The following SCFD2 variants were observed in gnomAD, a reference collection of about 807,000 sequenced individuals.
The protein encoded by SCFD2 is sec1 family domain containing 2, also known as sec1 family domain-containing protein 2.
Under a neutral mutation model 58.9 loss-of-function variants are expected in SCFD2, and 54 were observed. The ratio of observed to expected loss-of-function variants is 0.92; its 90% CI spans 0.74 to 1.15. The LOEUF is 1.15. Ranked by LOEUF, SCFD2 falls within the 50% of genes most tolerant of loss-of-function variation. The probability of loss-of-function intolerance (pLI) is 0.00; values close to 1 mark genes in which losing one functional copy is unlikely to be tolerated. For synonymous variants in SCFD2, 321 were observed against 335.9 expected (o/e 0.96, Z 0.49); for missense variants, 805 against 836.6 (o/e 0.96, Z 0.47).
intron 5 of SCFD2, among the ~76,000 whole-genome samples, chr4:53,134,445 T>C (rs1268804729): frequency 6.6e-6 from 1 of 151,980 alleles, no homozygotes; most frequent in African/African-American, 2.4e-5. Flanking sequence ...AACAAGGTAA[T>C]GAACAGGTGA....
intron 3 of SCFD2, among the ~76,000 whole-genome samples, chr4:53,276,891 G>A (rs2149072188): frequency 6.6e-6 from 1 of 152,168 alleles, no homozygotes; most frequent in Middle Eastern, 3.4e-3. Context: ...ATCTCATTGT[G>A]GTTTAAAATT....
At chr4:53,246,049 C>A (rs929766013) in intron 4 of SCFD2, among the ~76,000 whole-genome samples, 1 of 152,062 alleles carries the variant, frequency 6.6e-6, no homozygotes, top group African/African-American at 2.4e-5. Flanking sequence ...TATACACCAA[C>A]AATAGCCAAG....
intron 8 of SCFD2, among the ~76,000 whole-genome samples, chr4:52,885,100 T>C (rs1371243087): frequency 6.6e-6 from 1 of 152,160 alleles, no homozygotes; most frequent in Non-Finnish European, 1.5e-5. Flanking sequence ...TTTTCTTGTT[T>C]AGGGGATGGG....
At chr4:52,876,147 A>G (rs1370617521) in intron 8 of SCFD2, among the ~76,000 whole-genome samples, 2 of 2,928 alleles carry the variant, frequency 6.8e-4, no homozygotes, top group Non-Finnish European at 1.1e-3. Context: ...CTGACTGGCC[A>G]GATGCCTCCA....
chr4:53,334,825 A>G (rs1438446670), intron 2 of SCFD2, among the ~76,000 whole-genome samples: 1 of 152,238 alleles, frequency 6.6e-6, no homozygotes, highest in Non-Finnish European at 1.5e-5. Flanking sequence ...CATAATCTCA[A>G]AATGCCTTCT....
chr4:53,010,775 C>G (rs1463488624), intron 5 of SCFD2, among the ~76,000 whole-genome samples: 1 of 152,112 alleles, frequency 6.6e-6, no homozygotes, highest in Non-Finnish European at 1.5e-5. Context: ...ATTTTGGGGC[C>G]GGGCTGGGGG....
At chr4:53,243,409 C>G (rs1259287148) in intron 4 of SCFD2, among the ~76,000 whole-genome samples, 1 of 152,064 alleles carries the variant, frequency 6.6e-6, no homozygotes, top group African/African-American at 2.4e-5. Flanking sequence ...AAATAAGACC[C>G]TTTTCAGACA....
At chr4:52,953,557 T>C (rs2109532973) in intron 5 of SCFD2, among the ~76,000 whole-genome samples, 1 of 152,324 alleles carries the variant, frequency 6.6e-6, no homozygotes, top group African/African-American at 2.4e-5. Context: ...AGTCAAAGCA[T>C]TTCTTTAGCA....
At chr4:52,949,804 A>G (rs1720540758) in intron 5 of SCFD2, 1 of 152,242 alleles carries the variant, frequency 6.6e-6, no homozygotes, top group East Asian at 1.9e-4. Context: ...GGGCTTAAGT[A>G]AGCCAGGCCT....
intron 4 of SCFD2, among the ~76,000 whole-genome samples, chr4:53,212,339 C>A (rs758532353): frequency 2.4e-4 from 37 of 151,992 alleles, no homozygotes; most frequent in Admixed American, 7.9e-4. Context: ...GTGTAACTCT[C>A]AGAGCACCCA....
chr4:53,212,968 T>C (rs1327932813), intron 4 of SCFD2, among the ~76,000 whole-genome samples: 2 of 151,836 alleles, frequency 1.3e-5, no homozygotes, highest in Non-Finnish European at 2.9e-5. Context: ...GGTAGACAGG[T>C]GGCCAAGGAA....
intron 5 of SCFD2, among the ~76,000 whole-genome samples, chr4:53,090,517 G>A (rs746010355): frequency 7.9e-5 from 12 of 152,122 alleles, no homozygotes; most frequent in Non-Finnish European, 1.8e-4. Context: ...TGAAGAGAGA[G>A]TACAAGAAAG....
At chr4:53,055,331 G>A (rs1723305224) in intron 5 of SCFD2, among the ~76,000 whole-genome samples, 1 of 152,096 alleles carries the variant, frequency 6.6e-6, no homozygotes, top group East Asian at 1.9e-4. Flanking sequence ...ACTCTCCAAA[G>A]AGCACCTTGG....
chr4:52,983,973 C>G (rs1002085065), intron 5 of SCFD2, among the ~76,000 whole-genome samples: 5 of 152,168 alleles, frequency 3.3e-5, no homozygotes, highest in Non-Finnish European at 5.9e-5. Context: ...GAAGAGAAAG[C>G]CTCACCCCAA....
At chr4:53,209,107 T>A (rs1033917867) in intron 4 of SCFD2, among the ~76,000 whole-genome samples, 1 of 152,128 alleles carries the variant, frequency 6.6e-6, no homozygotes, top group Non-Finnish European at 1.5e-5. Context: ...CAAACTGAAA[T>A]GAGTTGGTCA....
At chr4:53,184,865 T>C (rs1727694249) in intron 4 of SCFD2, among the ~76,000 whole-genome samples, 2 of 152,150 alleles carry the variant, frequency 1.3e-5, no homozygotes, top group South Asian at 2.1e-4. Flanking sequence ...AAACAATCTT[T>C]CTACCAGCTA....
intron 3 of SCFD2, among the ~76,000 whole-genome samples, chr4:53,294,172 C>T (rs912793826): frequency 6.6e-6 from 1 of 152,124 alleles, no homozygotes; most frequent in African/African-American, 2.4e-5. Context: ...AACGGGATTG[C>T]TGGGTCAAAT....
chr4:52,951,847 A>C (rs1424113237), intron 5 of SCFD2, among the ~76,000 whole-genome samples: 1 of 152,216 alleles, frequency 6.6e-6, no homozygotes, highest in Admixed American at 6.5e-5. Flanking sequence ...ATCAGCAAGA[A>C]ATAAGGTCTT....
rs529642513 is a variant in SCFD2, at chr4:53,329,358, G to A, written c.1008-15595C>T. On this transcript the variant is annotated intron_variant, in intron 2 of 8. Transcript: ENST00000401642. Reference sequence around the variant, plus strand: ...TTAAATGTCCCTGTCTGACAGCTTTGAAGAGAGCAGTGGTTCTCCCAGCAC... The same window carrying A: ...TTAAATGTCCCTGTCTGACAGCTTTAAAGAGAGCAGTGGTTCTCCCAGCAC... Among the ~76,000 whole-genome samples, 1,391 of 151,876 alleles carry A rather than the reference G, an allele frequency of 9.2e-3. 20 individuals carry two copies. The highest frequency in any genetic ancestry group is 0.032 in the African/African-American group (1,312 of 41,224).
Sources: allele counts gnomAD v4.1 joint callset (sites outside exome capture counted in the v4.1 genomes callset), GRCh38; gene constraint gnomAD v4.1.1; transcripts MANE v1.5; gene names NCBI Gene and HGNC (gene_info 2026-07-23, HGNC 2026-07-21).